The following ENTREP2 variants were observed in gnomAD, a reference collection of about 807,000 sequenced individuals.
ENTREP2 encodes endosomal transmembrane epsin interactor 2.
the ENTREP2 span, among the ~76,000 whole-genome samples, chr15:29,435,130 C>T: frequency 6.6e-6 from 1 of 152,272 alleles, no homozygotes; most frequent in Non-Finnish European, 1.5e-5. Flanking sequence ...CTCCATCCTG[C>T]TTGACAAACG....
At chr15:29,577,313 GGTGTGTGTGTGTGTGTGT>G in the ENTREP2 span, among the ~76,000 whole-genome samples, 2 of 139,798 alleles carry the variant, frequency 1.4e-5, no homozygotes, top group African/African-American at 2.7e-5. Flanking sequence ...GACTCAAAGA[GGTGTGTGTGTGTGTGTGT>G]GTGTGTGTGT....
the ENTREP2 span, among the ~76,000 whole-genome samples, chr15:29,371,405 A>C: frequency 1.5e-4 from 23 of 150,900 alleles, no homozygotes; most frequent in Admixed American, 3.3e-4. Context: ...TAATCCAACA[A>C]CACCAACTTT....
the ENTREP2 span, among the ~76,000 whole-genome samples, chr15:29,464,646 G>T: frequency 6.6e-6 from 1 of 152,166 alleles, no homozygotes; most frequent in Non-Finnish European, 1.5e-5. Flanking sequence ...ATGCTGAGCA[G>T]ATGAGGGCCT....
the ENTREP2 span, among the ~76,000 whole-genome samples, chr15:29,175,076 T>C: frequency 6.6e-6 from 1 of 152,194 alleles, no homozygotes; most frequent in Non-Finnish European, 1.5e-5. Flanking sequence ...TCCACAGTCC[T>C]GAAGCTAAGC....
the ENTREP2 span, among the ~76,000 whole-genome samples, chr15:29,411,301 C>T: frequency 1.3e-5 from 2 of 152,048 alleles, no homozygotes; most frequent in Non-Finnish European, 2.9e-5. Context: ...CCAGAGTGGT[C>T]CCACCCATTT....
At chr15:29,318,917 A>G in the ENTREP2 span, among the ~76,000 whole-genome samples, 8 of 152,224 alleles carry the variant, frequency 5.3e-5, no homozygotes, top group Non-Finnish European at 8.8e-5. Flanking sequence ...AACATCTACC[A>G]TCACATAGCC....
At chr15:29,177,713 C>T in the ENTREP2 span, among the ~76,000 whole-genome samples, 1 of 152,122 alleles carries the variant, frequency 6.6e-6, no homozygotes, top group Non-Finnish European at 1.5e-5. Context: ...AGGGAGCACT[C>T]TCAGGGGCCA....
chr15:29,359,505 C>T, the ENTREP2 span, among the ~76,000 whole-genome samples: 6 of 152,216 alleles, frequency 3.9e-5, no homozygotes, highest in South Asian at 2.1e-4. Flanking sequence ...CTCCGCCTCC[C>T]GGGTTCAAGC....
the ENTREP2 span, among the ~76,000 whole-genome samples, chr15:29,133,227 C>T: frequency 1.3e-5 from 2 of 152,138 alleles, no homozygotes; most frequent in African/African-American, 4.8e-5. Flanking sequence ...ATCCACACTC[C>T]CCTCTACCTA....
At chr15:29,656,159 C>G in the ENTREP2 span, among the ~76,000 whole-genome samples, 1 of 151,400 alleles carries the variant, frequency 6.6e-6, no homozygotes, top group Admixed American at 6.6e-5. Context: ...AAGAATTTTT[C>G]ATATAAACAA....
At chr15:29,570,260 C>G in the ENTREP2 span, among the ~76,000 whole-genome samples, 9 of 151,496 alleles carry the variant, frequency 5.9e-5, no homozygotes, top group African/African-American at 2.2e-4. Flanking sequence ...GCTGTTTCCT[C>G]CAAGAAAAGT....
At chr15:29,123,275 T>C in the ENTREP2 span, 1 of 1,440,264 alleles carries the variant, frequency 6.9e-7, no homozygotes, top group Non-Finnish European at 9.2e-7. Context: ...TCAGGCATGA[T>C]GGCTTCTGCC....
the ENTREP2 span, among the ~76,000 whole-genome samples, chr15:29,493,227 G>A: frequency 1.6e-4 from 19 of 118,442 alleles, no homozygotes; most frequent in South Asian, 3.5e-4. Flanking sequence ...TCCGCCTCCC[G>A]GGTTCACGCC....
At chr15:29,563,959 C>T in the ENTREP2 span, among the ~76,000 whole-genome samples, 1 of 151,982 alleles carries the variant, frequency 6.6e-6, no homozygotes, top group Non-Finnish European at 1.5e-5. Flanking sequence ...TTCTGGTGTG[C>T]TCTCATTTTC....
At chr15:29,538,995 C>G in the ENTREP2 span, among the ~76,000 whole-genome samples, 1 of 152,194 alleles carries the variant, frequency 6.6e-6, no homozygotes, top group Non-Finnish European at 1.5e-5. Flanking sequence ...AGCTTTCTCC[C>G]TGTGGACTTT....
At chr15:29,386,543 A>C in the ENTREP2 span, among the ~76,000 whole-genome samples, 1 of 152,332 alleles carries the variant, frequency 6.6e-6, no homozygotes, top group Non-Finnish European at 1.5e-5. Flanking sequence ...CAAGCTGCAA[A>C]GTTTATGGTC....
At chr15:29,214,398 A>G in the ENTREP2 span, among the ~76,000 whole-genome samples, 2 of 152,200 alleles carry the variant, frequency 1.3e-5, no homozygotes, top group African/African-American at 4.8e-5. Context: ...AGGGACATGG[A>G]TGAAGCTGGA....
the ENTREP2 span, among the ~76,000 whole-genome samples, chr15:29,338,630 C>G: frequency 6.6e-6 from 1 of 151,816 alleles, no homozygotes; most frequent in Non-Finnish European, 1.5e-5. Context: ...GGCCAGCCAT[C>G]ACTTAGATGG....
chr15:29,600,892 A>ATTTTTTTTTTTTTTTTTTT, the ENTREP2 span, among the ~76,000 whole-genome samples: 7 of 97,944 alleles, frequency 7.1e-5, no homozygotes, highest in East Asian at 2.6e-4. Flanking sequence ...GGAAAATATG[A>ATTTTTTTTTTTTTTTTTTT]TTTTTCTTTC....
Sources: allele counts gnomAD v4.1 joint callset (sites outside exome capture counted in the v4.1 genomes callset), GRCh38; gene constraint gnomAD v4.1.1; transcripts MANE v1.5; gene names NCBI Gene and HGNC (gene_info 2026-07-23, HGNC 2026-07-21).